The following GNG12 variants were observed in gnomAD, a reference collection of about 807,000 sequenced individuals.
GNG12 encodes the protein G protein subunit gamma 12.
For missense variants in GNG12, 69 were observed against 83.8 expected (o/e 0.82, Z 0.69); for synonymous variants, 28 against 29.7 (o/e 0.94, Z 0.19).
At chr1:67,753,050 A>C (rs1646547597) in intron 2 of GNG12, among the ~76,000 whole-genome samples, 1 of 152,216 alleles carries the variant, frequency 6.6e-6, no homozygotes. Flanking sequence ...TGGTCTGTCC[A>C]TGTGCCCTCT....
At chr1:67,711,859 T>G (rs1224571389) in intron 2 of GNG12, among the ~76,000 whole-genome samples, 1 of 152,202 alleles carries the variant, frequency 6.6e-6, no homozygotes, top group African/African-American at 2.4e-5. Flanking sequence ...AGCTGTACAC[T>G]GGGCCACTGG....
intron 1 of GNG12, among the ~76,000 whole-genome samples, chr1:67,791,673 G>A (rs543762742): frequency 6.6e-6 from 1 of 152,184 alleles, no homozygotes; most frequent in African/African-American, 2.4e-5. Context: ...CCAATCATGC[G>A]TTGGCATCTC....
At chr1:67,796,579 A>G (rs868623964) in intron 1 of GNG12, among the ~76,000 whole-genome samples, 1 of 152,150 alleles carries the variant, frequency 6.6e-6, no homozygotes, top group Non-Finnish European at 1.5e-5. Context: ...TAGGCACTCA[A>G]TAAATATGTA....
chr1:67,766,106 GCACACA>G (rs59348663), intron 2 of GNG12, among the ~76,000 whole-genome samples: 1,903 of 139,886 alleles, frequency 0.014, 25 homozygotes, highest in African/African-American at 0.033. Context: ...AGGCACACAC[GCACACA>G]CACACACACA....
chr1:67,727,483 TA>T (rs1646393313), intron 2 of GNG12, among the ~76,000 whole-genome samples: 1 of 152,240 alleles, frequency 6.6e-6, no homozygotes, highest in African/African-American at 2.4e-5. Context: ...ATAATTCTTA[TA>T]AACAACCATT....
intron 2 of GNG12, among the ~76,000 whole-genome samples, chr1:67,757,284 T>C (rs1360876403): frequency 1.3e-5 from 2 of 152,198 alleles, no homozygotes; most frequent in African/African-American, 2.4e-5. Context: ...TTTCCACTTC[T>C]GGTGTCATGT....
intron 1 of GNG12, among the ~76,000 whole-genome samples, chr1:67,791,866 G>A (rs867736605): frequency 7.2e-5 from 11 of 151,980 alleles, no homozygotes; most frequent in Admixed American, 3.3e-4. Flanking sequence ...ACTTACTCAC[G>A]TCCACTCCTT....
chr1:67,703,806 C>G lies in GNG12; in HGVS notation c.*1645G>C, dbSNP rs941457508. The G allele has an allele frequency of 6.6e-6, 1 of 152,148 alleles. No homozygotes were observed. Among genetic ancestry groups the G allele is most frequent in the Non-Finnish European group, 1.5e-5 (1 of 68,030 alleles). 9.4% of individuals were successfully genotyped at this position (152,148 alleles called of 1,614,324 possible). ...TGAAAACAGTAATGCATTTGTCCAC[C>G]CTAAATGAGCTAATACTCAAAGCCC... On this transcript the variant is annotated 3_prime_UTR_variant, in exon 4 of 4. Transcript: ENST00000370982.
rs913822559 is a variant in GNG12, at chr1:67,793,591, T to C, written c.-76-16084A>G. Among the ~76,000 whole-genome samples the C allele has an allele frequency of 2.6e-5, 4 of 152,284 alleles. No individual in the cohort carries two copies. In the East Asian group the frequency reaches 5.8e-4, roughly 22 times the overall value. ...CCTAGAATGTTGTGCTTGTGCAGTT[T>C]AACTCTGGACTTAATTCCACTGCAG... is the stretch of plus-strand genomic sequence containing the variant. On this transcript the variant is annotated intron_variant, in intron 1 of 3. Transcript: ENST00000370982.
rs1163831257 is a variant in GNG12, at chr1:67,818,413, G to GTTTT, written c.-77+14927_-77+14930dup. ...AATTATTCATGGGGAAAGACCAGGG[G>GTTTT]TTTTTTTTTTTTTTTTTTTTTTTTT... On this transcript the variant is annotated intron_variant, in intron 1 of 3. Transcript: ENST00000370982. Among the ~76,000 whole-genome samples, 475 of 83,898 alleles carry GTTTT rather than the reference G, an allele frequency of 5.7e-3. 19 individuals carry two copies. Among genetic ancestry groups the GTTTT allele is most frequent in the African/African-American group, 0.016 (383 of 23,460 alleles). The allele number at this position is 83,898 out of a possible 152,430, so 55.0% of individuals were successfully genotyped here.
At chr1:67,808,933 A>G (rs1333378021) in intron 1 of GNG12, among the ~76,000 whole-genome samples, 1 of 152,202 alleles carries the variant, frequency 6.6e-6, no homozygotes, top group African/African-American at 2.4e-5. Flanking sequence ...ATGGATATAA[A>G]CAAACTGAAT....
chr1:67,752,077 G>T lies in GNG12; in HGVS notation c.-27+25381C>A, dbSNP rs573814295. Among the ~76,000 whole-genome samples the T allele has an allele frequency of 5.9e-5, 9 of 152,256 alleles. No homozygotes were observed. The South Asian group carries it at 1.9e-3, about 32-fold the overall frequency. On this transcript the variant is annotated intron_variant, in intron 2 of 3. Transcript: ENST00000370982. The stretch of plus-strand genomic sequence containing the variant: ...TAGCACCTCATAGTTACTCAATGTG[G>T]CCCATCCTCAATTGATTACGCTGAC...
At chr1:67,745,263 C>T (rs1442630549) in intron 2 of GNG12, among the ~76,000 whole-genome samples, 1 of 152,154 alleles carries the variant, frequency 6.6e-6, no homozygotes, top group Admixed American at 6.5e-5. Context: ...TGTAGCAAGC[C>T]CACCACAAAC....
intron 1 of GNG12, among the ~76,000 whole-genome samples, chr1:67,787,970 C>T (rs1362009395): frequency 6.6e-6 from 1 of 152,200 alleles, no homozygotes; most frequent in African/African-American, 2.4e-5. Context: ...TCAGCCTACT[C>T]AGAGTTTGTG....
At chr1:67,786,540 C>T (rs56110885) in intron 1 of GNG12, among the ~76,000 whole-genome samples, 11,704 of 152,084 alleles carry the variant, frequency 0.077, 569 homozygotes, top group African/African-American at 0.11. Flanking sequence ...GTTGGCTCTT[C>T]CACCATCCTG....
At chr1:67,810,472 G>C (rs1646918612) in intron 1 of GNG12, among the ~76,000 whole-genome samples, 1 of 152,196 alleles carries the variant, frequency 6.6e-6, no homozygotes, top group Non-Finnish European at 1.5e-5. Context: ...TCTGGTGTGG[G>C]ATGTGGATAG....
chr1:67,758,539 T>C (rs1646583462), intron 2 of GNG12, among the ~76,000 whole-genome samples: 2 of 152,352 alleles, frequency 1.3e-5, no homozygotes, highest in Middle Eastern at 3.4e-3. Flanking sequence ...GGACAGGGGC[T>C]GAGTGGCTGC....
chr1:67,768,706 C>T (rs148621944), intron 2 of GNG12, among the ~76,000 whole-genome samples: 12 of 152,244 alleles, frequency 7.9e-5, no homozygotes, highest in East Asian at 7.7e-4. Flanking sequence ...AAAGGTTAAC[C>T]GTAACCATGT....
intron 2 of GNG12, among the ~76,000 whole-genome samples, chr1:67,741,763 T>C (rs1027858594): frequency 6.6e-6 from 1 of 152,266 alleles, no homozygotes; most frequent in Non-Finnish European, 1.5e-5. Flanking sequence ...GAATTTGGCT[T>C]GCAGACCTGT....
Sources: allele counts gnomAD v4.1 joint callset (sites outside exome capture counted in the v4.1 genomes callset), GRCh38; gene constraint gnomAD v4.1.1; transcripts MANE v1.5; gene names NCBI Gene and HGNC (gene_info 2026-07-23, HGNC 2026-07-21).